Variants in SLC44A5 observed in about 807,000 individuals in gnomAD.
The protein encoded by SLC44A5 is choline transporter-like protein 5.
Under a neutral mutation model 101.8 loss-of-function variants are expected in SLC44A5, and 57 were observed. That is an observed-to-expected ratio of 0.56 (90% CI 0.45 to 0.70). The LOEUF (loss-of-function observed/expected upper bound fraction) is 0.70, where lower values mean the gene tolerates loss of function less well. Ranked by LOEUF, SLC44A5 falls within the 30% of genes least tolerant of loss-of-function variation. SLC44A5 has a pLI of 0.00. For missense variants in SLC44A5, 737 were observed against 853.1 expected (o/e 0.86, Z 1.70); for synonymous variants, 281 against 290.9 (o/e 0.97, Z 0.35).
At chr1:75,312,701 A>G (rs1655402670) in intron 4 of SLC44A5, among the ~76,000 whole-genome samples, 1 of 151,132 alleles carries the variant, frequency 6.6e-6, no homozygotes, top group East Asian at 1.9e-4. Context: ...TCATTATTAT[A>G]TATATAGCAG....
chr1:75,435,055 G>T (rs1313405440), intron 2 of SLC44A5, among the ~76,000 whole-genome samples: 1 of 152,086 alleles, frequency 6.6e-6, no homozygotes, highest in Admixed American at 6.6e-5. Flanking sequence ...ACAATAGAAA[G>T]ATTCAATAAA....
chr1:75,540,891 A>G (rs933700344), intron 2 of SLC44A5, among the ~76,000 whole-genome samples: 2 of 152,196 alleles, frequency 1.3e-5, no homozygotes, highest in Non-Finnish European at 2.9e-5. Context: ...AAATCTAACT[A>G]TGGGGACAGA....
rs138050712 is a variant in SLC44A5 at position 75,237,056 on chromosome 1, A to AGTT, written c.668_670dup (p.Lys223_Leu224insGln). ...CAATCCAAGTGACTTTGCATCAAGA[A>AGTT]GTTTATTGATACCACTGCATTGAAA... On this transcript the variant is annotated inframe_insertion, in exon 11 of 24. Transcript: ENST00000370859. 1.2e-5 allele frequency: 20 copies of AGTT among 1,601,434 alleles called. No homozygotes were observed. In the African/African-American group the frequency reaches 2.7e-4, roughly 21 times the overall value.
chr1:75,647,631 T>G, the SLC44A5 span, among the ~76,000 whole-genome samples: 1 of 152,214 alleles, frequency 6.6e-6, no homozygotes. Context: ...CTCAAGGCCA[T>G]GGGAGCCCAC....
At chr1:75,243,109 C>A (rs1027938554) in intron 7 of SLC44A5, 98 bp from the exon 8 acceptor site, 6 of 1,349,666 alleles carry the variant, frequency 4.4e-6, no homozygotes, top group Non-Finnish European at 5.9e-6. Flanking sequence ...TAACAAAAAG[C>A]AATGCACTGT....
At chr1:75,214,733 A>C (rs976276595) in intron 19 of SLC44A5, 55 bp from the exon 20 acceptor site, 54 of 1,419,276 alleles carry the variant, frequency 3.8e-5, no homozygotes, top group Non-Finnish European at 4.8e-5. Context: ...TAACAAGATC[A>C]AAAGACAATC....
chr1:75,523,231 T>G (rs2101899761), intron 2 of SLC44A5, among the ~76,000 whole-genome samples: 1 of 152,292 alleles, frequency 6.6e-6, no homozygotes, highest in East Asian at 1.9e-4. Flanking sequence ...ACCTGTGCCC[T>G]TCAGGTAGCA....
chr1:75,716,582 C>T, the SLC44A5 span, among the ~76,000 whole-genome samples: 3 of 152,318 alleles, frequency 2.0e-5, no homozygotes, highest in South Asian at 2.1e-4. Flanking sequence ...GAACTCAATA[C>T]AGAATTACCA....
intron 2 of SLC44A5, among the ~76,000 whole-genome samples, chr1:75,468,539 T>C (rs1367398790): frequency 6.6e-6 from 1 of 151,874 alleles, no homozygotes; most frequent in Admixed American, 6.6e-5. Flanking sequence ...AAATTGGAGG[T>C]CATTATGCTA....
intron 3 of SLC44A5, among the ~76,000 whole-genome samples, chr1:75,370,257 T>G (rs1232186051): frequency 6.6e-6 from 1 of 152,202 alleles, no homozygotes; most frequent in African/African-American, 2.4e-5. Context: ...CTTATACCTA[T>G]TACATAGAAA....
chr1:75,392,647 G>T (rs1376231065), intron 3 of SLC44A5, among the ~76,000 whole-genome samples: 1 of 152,112 alleles, frequency 6.6e-6, no homozygotes, highest in Non-Finnish European at 1.5e-5. Flanking sequence ...CAATCCCATT[G>T]CTTGGTATAT....
chr1:75,534,289 A>T (rs928232515), intron 2 of SLC44A5, among the ~76,000 whole-genome samples: 6 of 152,328 alleles, frequency 3.9e-5, no homozygotes, highest in Non-Finnish European at 7.3e-5. Flanking sequence ...AAGAAAAAAA[A>T]AATAAAGCCG....
intron 5 of SLC44A5, among the ~76,000 whole-genome samples, chr1:75,285,928 A>G (rs1253182254): frequency 6.6e-6 from 1 of 152,056 alleles, no homozygotes; most frequent in Non-Finnish European, 1.5e-5. Flanking sequence ...GTGCTGTGGA[A>G]TAGAACATAT....
Position 75,215,843 on chromosome 1 carries a change from A to G in SLC44A5, c.1639T>C (p.Leu547=), listed in dbSNP as rs1315863052. The G allele has an allele frequency of 1.3e-6, 2 of 1,590,868 alleles. No individual in the cohort carries two copies. The highest frequency in any genetic ancestry group is 1.7e-6 in the Non-Finnish European group (2 of 1,159,764). ...DHRLKRTQNT[L]SKFLQCCLRC... is the part of the protein sequence containing the mutation. ...AGGCAGCATTGTAGGAATTTAGACA[A>G]TGTGTTCTGGGTACCTATGAGAAGG... Residue 547 remains leucine, a synonymous_variant, in exon 19 of 24, where the codon TTG becomes CTG. Transcript: ENST00000370859.
At chr1:75,237,851 G>A (rs1401691762) in intron 10 of SLC44A5, among the ~76,000 whole-genome samples, 2 of 151,948 alleles carry the variant, frequency 1.3e-5, no homozygotes, top group East Asian at 1.9e-4. Flanking sequence ...AGTCTTTTAA[G>A]ATAAATAAAT....
At chr1:75,453,963 CA>C (rs780788547) in intron 2 of SLC44A5, among the ~76,000 whole-genome samples, 8 of 152,056 alleles carry the variant, frequency 5.3e-5, no homozygotes, top group Non-Finnish European at 1.0e-4. Context: ...CAAATTCTAT[CA>C]GACATACAAA....
chr1:75,543,698 C>T (rs12082713), intron 1 of SLC44A5, among the ~76,000 whole-genome samples: 27 of 145,716 alleles, frequency 1.9e-4, no homozygotes, highest in Non-Finnish European at 2.2e-4. Flanking sequence ...CATATATATA[C>T]ATATATATAT....
chr1:75,476,873 C>T (rs1189492784), intron 2 of SLC44A5, among the ~76,000 whole-genome samples: 2 of 152,244 alleles, frequency 1.3e-5, no homozygotes, highest in African/African-American at 2.4e-5. Context: ...CTTAAATGTT[C>T]CTGTCTGACA....
At chr1:75,612,353 T>G (rs535292811), upstream of SLC44A5, among the ~76,000 whole-genome samples, 1 of 152,186 alleles carries the variant, frequency 6.6e-6, no homozygotes, top group African/African-American at 2.4e-5. Context: ...GGCTTCTCCC[T>G]AACTGTCTCT....
Sources: allele counts gnomAD v4.1 joint callset (sites outside exome capture counted in the v4.1 genomes callset), GRCh38; gene constraint gnomAD v4.1.1; transcripts MANE v1.5; gene names NCBI Gene and HGNC (gene_info 2026-07-23, HGNC 2026-07-21).